DNAH6: variants seen among roughly 807,000 people sequenced by gnomAD.
The protein encoded by DNAH6 is axonemal beta dynein heavy chain 6.
DNAH6 carries 340 observed loss-of-function variants against 491.4 expected under a neutral mutation model. That is an observed-to-expected ratio of 0.69 (90% confidence interval 0.63 to 0.76). DNAH6 has a LOEUF of 0.76. Among genes scored for constraint, DNAH6 ranks in the 30% least tolerant of loss-of-function variants. The pLI is 0.00. For synonymous variants in DNAH6, 1,603 were observed against 1,686.1 expected (o/e 0.95, Z 1.21); for missense variants, 4,443 against 4,972.2 (o/e 0.89, Z 3.20).
Position 84,701,096 on chromosome 2 carries a change from G to T in DNAH6, c.7819-1G>T. 1 of 1,548,250 alleles carries T rather than the reference G, an allele frequency of 6.5e-7. No individual in the cohort carries two copies. The highest frequency in any genetic ancestry group is 8.7e-7 in the Non-Finnish European group (1 of 1,143,748). On this transcript the variant is annotated splice_acceptor_variant, in intron 48 of 76. Coordinates refer to ENST00000389394, the MANE Select transcript of DNAH6 (RefSeq NM_001370.2). LOFTEE classifies it high-confidence loss of function. ...TTTCTAGATTTTTCCTTGATTCACA[G>T]TGGCCCAGAGAAGCACTTCTTTCTG...
At chr2:84,681,857 A>G (rs1374195790) in intron 42 of DNAH6, among the ~76,000 whole-genome samples, 1 of 152,002 alleles carries the variant, frequency 6.6e-6, no homozygotes, top group South Asian at 2.1e-4. Flanking sequence ...GTCAGTGTCA[A>G]TGCTCCTTCT....
intron 22 of DNAH6, among the ~76,000 whole-genome samples, chr2:84,613,193 G>C (rs1686503072): frequency 2.0e-5 from 3 of 151,846 alleles, no homozygotes; most frequent in Non-Finnish European, 4.4e-5. Flanking sequence ...TTGATAAAGT[G>C]GCTTTTGAGC....
chr2:84,669,528 A>G lies in DNAH6; in HGVS notation c.6306+18A>G, dbSNP rs1048774056. On this transcript the variant is annotated intron_variant, in intron 38 of 76. Transcript: ENST00000389394. The stretch of plus-strand genomic sequence containing the variant: ...TGGGCAAGGTAGGAAACTTACATCA[A>G]ACAAGAAGTCCTCTCCAAATGTGAG... The G allele has an allele frequency of 6.5e-7, 1 of 1,543,006 alleles. No individual in the cohort carries two copies. The highest frequency in any genetic ancestry group is 8.8e-7 in the Non-Finnish European group (1 of 1,139,210).
At chr2:84,639,610 G>T (rs1359125228) in intron 31 of DNAH6, among the ~76,000 whole-genome samples, 1 of 151,926 alleles carries the variant, frequency 6.6e-6, no homozygotes, top group Non-Finnish European at 1.5e-5. Context: ...AGTAGAGATG[G>T]GGTTTCACCG....
intron 29 of DNAH6, among the ~76,000 whole-genome samples, chr2:84,632,240 A>C (rs200926256): frequency 1.3e-5 from 2 of 152,174 alleles, no homozygotes; most frequent in East Asian, 3.9e-4. Flanking sequence ...AATGCACCAC[A>C]GTAAGATCTG....
chr2:84,580,716 G>A (rs762342696), intron 14 of DNAH6, among the ~76,000 whole-genome samples: 7 of 149,248 alleles, frequency 4.7e-5, no homozygotes, highest in Non-Finnish European at 1.0e-4. Context: ...CTAAAGATGC[G>A]AATTGCTTAT....
chr2:84,612,798 C>G (rs1380955749), intron 22 of DNAH6, among the ~76,000 whole-genome samples: 1 of 152,072 alleles, frequency 6.6e-6, no homozygotes, highest in Non-Finnish European at 1.5e-5. Flanking sequence ...TGATCCTTAA[C>G]TTAATCACAC....
At position 84,552,944 on chromosome 2, in the gene DNAH6, A is replaced by G. The variant is rs757091838; in HGVS notation, c.1512A>G (p.Glu504=). 6.2e-7 allele frequency: 1 copy of G among 1,611,764 alleles called. No homozygotes were observed. The highest frequency in any genetic ancestry group is 2.2e-5 in the East Asian group (1 of 44,726). ...GGACCCTTATGGTGGAAAAGCAAGA[A>G]GAAGATGAATCTCTCATCCCCATGT... ...KKGTLMVEKQ[E]EDESLIPMFL... Residue 504 remains glutamate (E), a synonymous_variant, in exon 10 of 77, where the codon GAA becomes GAG. Coordinates refer to ENST00000389394, the MANE Select transcript of DNAH6 (RefSeq NM_001370.2).
At position 84,718,325 on chromosome 2, in the gene DNAH6, A is replaced by G. The variant is rs1558954356; in HGVS notation, c.9733A>G (p.Thr3245Ala). 2 of 1,551,290 alleles carry G rather than the reference A, an allele frequency of 1.3e-6. No homozygotes were observed. Among genetic ancestry groups the G allele is most frequent in the Non-Finnish European group, 1.7e-6 (2 of 1,146,828 alleles). ...IEEKILRMLF[T>A]SEGNILDNEE... ...AGAGAAAATCCTGAGAATGCTCTTT[A>G]CCTCTGAAGGAAATATTCTGGACAA... The change falls in exon 59 of 77, where the codon ACC becomes GCC. Residue 3245 changes from threonine to alanine, a missense_variant. Transcript: ENST00000389394.
intron 23 of DNAH6, 21 bp downstream of exon 23, chr2:84,617,003 A>G (rs1352920026): frequency 4.4e-6 from 6 of 1,361,568 alleles, no homozygotes; most frequent in Non-Finnish European, 6.0e-6. Context: ...AAAGCAACCT[A>G]AGATATTTTT....
chr2:84,797,773 A>T, intron 70 of DNAH6, 115 bp downstream of exon 70: 3 of 959,276 alleles, frequency 3.1e-6, no homozygotes, highest in Non-Finnish European at 4.6e-6. Flanking sequence ...AACAAATAAA[A>T]TAATTGTTTC....
At chr2:84,523,585 C>T (rs1364155758) in intron 2 of DNAH6, among the ~76,000 whole-genome samples, 1 of 151,970 alleles carries the variant, frequency 6.6e-6, no homozygotes, top group East Asian at 1.9e-4. Context: ...TTTATATGGG[C>T]ATTTAGTGCT....
intron 59 of DNAH6, among the ~76,000 whole-genome samples, chr2:84,718,924 G>A (rs1697820878): frequency 6.6e-6 from 1 of 152,112 alleles, no homozygotes; most frequent in South Asian, 2.1e-4. Flanking sequence ...CACACAATTG[G>A]TACTCAACAA....
intron 62 of DNAH6, among the ~76,000 whole-genome samples, chr2:84,736,103 T>A (rs1381405743): frequency 6.6e-6 from 1 of 152,206 alleles, no homozygotes; most frequent in African/African-American, 2.4e-5. Flanking sequence ...GCTCATTTAT[T>A]GAATAGAGTA....
chr2:84,511,278 G>A, the DNAH6 span, among the ~76,000 whole-genome samples: 3 of 152,174 alleles, frequency 2.0e-5, no homozygotes, highest in Non-Finnish European at 2.9e-5. Context: ...AATGGCGGGC[G>A]CCCCTCCCCC....
intron 13 of DNAH6, 68 bp downstream of exon 13, chr2:84,577,476 AAAAC>A: frequency 8.8e-7 from 1 of 1,131,060 alleles, no homozygotes; most frequent in Non-Finnish European, 1.2e-6. Flanking sequence ...CTACTGCACA[AAAAC>A]CTAGTATTTA....
the DNAH6 span, among the ~76,000 whole-genome samples, chr2:84,461,776 A>G: frequency 1.3e-5 from 2 of 152,162 alleles, no homozygotes; most frequent in African/African-American, 4.8e-5. Flanking sequence ...GGATATTTCT[A>G]TTTGTCTCAA....
At chr2:84,553,721 C>A (rs1679748730) in intron 10 of DNAH6, among the ~76,000 whole-genome samples, 1 of 149,762 alleles carries the variant, frequency 6.7e-6, no homozygotes, top group African/African-American at 2.5e-5. Context: ...CCACCTGCCT[C>A]TGCCTCCCAA....
At chr2:84,656,711 C>G (rs1162726729) in intron 35 of DNAH6, among the ~76,000 whole-genome samples, 1 of 151,950 alleles carries the variant, frequency 6.6e-6, no homozygotes, top group African/African-American at 2.4e-5. Context: ...ATATCTTTTG[C>G]AAATATTTTC....
Sources: allele counts gnomAD v4.1 joint callset (sites outside exome capture counted in the v4.1 genomes callset), GRCh38; gene constraint gnomAD v4.1.1; transcripts MANE v1.5; gene names NCBI Gene and HGNC (gene_info 2026-07-23, HGNC 2026-07-21).